Variants in MCCC2 observed in about 807,000 individuals in gnomAD.
MCCC2 encodes the protein methylcrotonyl-CoA carboxylase subunit 2.
Under a neutral mutation model 77.2 loss-of-function variants are expected in MCCC2, and 52 were observed. That is an observed-to-expected ratio of 0.67 (90% CI 0.54 to 0.85). The LOEUF (loss-of-function observed/expected upper bound fraction) is 0.85, where lower values mean the gene tolerates loss of function less well. Ranked by LOEUF, MCCC2 falls within the 40% of genes least tolerant of loss-of-function variation. MCCC2 has a pLI of 0.00. For missense variants in MCCC2, 682 were observed against 703.2 expected, an observed-to-expected ratio of 0.97 and a Z score of 0.34; for synonymous variants, 253 against 248.4, an observed-to-expected ratio of 1.02 and a Z score of -0.18.
intron 6 of MCCC2, among the ~76,000 whole-genome samples, chr5:71,607,637 C>T (rs1745739083): frequency 6.9e-6 from 1 of 145,638 alleles, no homozygotes. Context: ...CGTGTTTGCT[C>T]TTGCTTTTCT....
intron 4 of MCCC2, among the ~76,000 whole-genome samples, chr5:71,600,037 C>T (rs569214709): frequency 1.4e-4 from 22 of 152,110 alleles, no homozygotes; most frequent in African/African-American, 4.6e-4. Context: ...TGGTGGCACA[C>T]GCCTGTAGTC....
chr5:71,587,677 G>T (rs905032756), intron 1 of MCCC2, 123 bp downstream of exon 1: 27 of 1,290,648 alleles, frequency 2.1e-5, no homozygotes, highest in Non-Finnish European at 2.8e-5. Flanking sequence ...TGACGCACGT[G>T]AAGTTTGAAG....
chr5:71,641,263 A>G (rs1055556430), intron 11 of MCCC2, 188 bp downstream of exon 11: 15 of 613,196 alleles, frequency 2.4e-5, no homozygotes, highest in Non-Finnish European at 4.1e-5. Context: ...ATGGATCCAA[A>G]TAGTTTAAAA....
At chr5:71,622,486 A>G (rs1746386904) in intron 6 of MCCC2, among the ~76,000 whole-genome samples, 2 of 152,200 alleles carry the variant, frequency 1.3e-5, no homozygotes, top group Admixed American at 6.5e-5. Flanking sequence ...TTTGATGTGT[A>G]CAATTCAATG....
chr5:71,615,235 C>T (rs570945551), intron 6 of MCCC2, among the ~76,000 whole-genome samples: 10 of 152,172 alleles, frequency 6.6e-5, no homozygotes, highest in Admixed American at 2.6e-4. Context: ...TCCCAGAGTG[C>T]TAGGATTATA....
chr5:71,626,810 C>T, intron 7 of MCCC2, 57 bp downstream of exon 7: 2 of 1,400,320 alleles, frequency 1.4e-6, no homozygotes, highest in East Asian at 2.3e-5. Flanking sequence ...ATAAAATACA[C>T]CATTTAAACT....
At chr5:71,589,770 T>C (rs1444913238) in intron 1 of MCCC2, among the ~76,000 whole-genome samples, 1 of 152,258 alleles carries the variant, frequency 6.6e-6, no homozygotes, top group Admixed American at 6.5e-5. Flanking sequence ...TTTATCATAA[T>C]GATCCTGTGC....
chr5:71,641,829 C>T (rs562878595), intron 11 of MCCC2, among the ~76,000 whole-genome samples: 1 of 152,258 alleles, frequency 6.6e-6, no homozygotes, highest in East Asian at 1.9e-4. Context: ...TGCAAATATA[C>T]ATTGAGGCTT....
In MCCC2 at chr5:71,635,003, G is replaced by A. The variant is rs368236133; in HGVS notation, c.864G>A (p.Arg288=). 25 of 1,614,022 alleles carry A rather than the reference G, an allele frequency of 1.5e-5. No homozygotes were observed. Among genetic ancestry groups the A allele is most frequent in the Admixed American group, 6.7e-5 (4 of 59,994 alleles). Residue 288 remains arginine, a synonymous_variant, in exon 9 of 17, where the codon AGG becomes AGA. Transcript: ENST00000340941. Reference sequence around the variant, plus strand: ...ATCATCATGCCCTTCACTTAACTAGGAAGGTTGTGAGGAATCTAAATTATC... The same window carrying A: ...ATCATCATGCCCTTCACTTAACTAGAAAGGTTGTGAGGAATCTAAATTATC... ...LDDHHALHLT[R]KVVRNLNYQK... is the part of the protein sequence containing the mutation.
chr5:71,606,189 G>C lies in MCCC2; in HGVS notation c.624+1721G>C, dbSNP rs992785588. Among the ~76,000 whole-genome samples the C allele has an allele frequency of 1.1e-4, 17 of 151,054 alleles. No individual in the cohort carries two copies. In the East Asian group the frequency reaches 1.4e-3, roughly 12 times the overall value. On this transcript the variant is annotated intron_variant, in intron 6 of 16. Coordinates refer to ENST00000340941, the MANE Select transcript of MCCC2 (RefSeq NM_022132.5). Reference sequence around the variant, plus strand: ...GCAGTATGGCCATTTTCACGATATTGATTCTTCCTACCCATGAGCATGGAA... The same window carrying C: ...GCAGTATGGCCATTTTCACGATATTCATTCTTCCTACCCATGAGCATGGAA...
chr5:71,631,840 A>G (rs931897720), intron 7 of MCCC2, among the ~76,000 whole-genome samples: 1 of 151,492 alleles, frequency 6.6e-6, no homozygotes, highest in Non-Finnish European at 1.5e-5. Flanking sequence ...GCGCCCGGCC[A>G]GGTCTTTCAA....
At chr5:71,626,425 T>C (rs1746528404) in intron 6 of MCCC2, among the ~76,000 whole-genome samples, 1 of 152,222 alleles carries the variant, frequency 6.6e-6, no homozygotes, top group Non-Finnish European at 1.5e-5. Context: ...CCATAAGTTT[T>C]GTAAAAGTGA....
rs779770835 is a variant in MCCC2, at chr5:71,649,193, C to T, written c.1313C>T (p.Thr438Ile). Reference protein sequence around the residue: ...AVACAQVPKITLIIGGSYGAG... With the variant: ...AVACAQVPKIILIIGGSYGAG... ...GCCTGTGCCCAAGTGCCTAAGATAACCCTCATCATTGGGGGCTCCTATGGA... is the reference window on the plus strand; with the variant it reads ...GCCTGTGCCCAAGTGCCTAAGATAATCCTCATCATTGGGGGCTCCTATGGA... The change falls in exon 14 of 17, where the codon ACC (threonine) becomes ATC (isoleucine). Residue 438 changes from threonine (T) to isoleucine (I), a missense_variant. Transcript: ENST00000340941. The T allele has an allele frequency of 6.2e-7, 1 of 1,614,174 alleles. No homozygotes were observed. Among genetic ancestry groups the T allele is most frequent in the South Asian group, 1.1e-5 (1 of 91,080 alleles).
rs1746783587 is a variant in MCCC2 at position 71,633,108 on chromosome 5, TATATATATATATATATATATATA to T, written c.803+924_803+946del. 2.4e-3 allele frequency among the ~76,000 whole-genome samples: 53 copies of T among 22,252 alleles called. 3 individuals are homozygous for T. Among genetic ancestry groups the T allele is most frequent in the Middle Eastern group, 0.025 (1 of 40 alleles). 14.6% of individuals were successfully genotyped at this position (22,252 alleles called of 152,430 possible). On this transcript the variant is annotated intron_variant, in intron 8 of 16. Transcript: ENST00000340941. ...TTTCAGTTTTATATATATATATATA[TATATATATATATATATATATATA>T]TTTTTATTTTTTGTAGAAACAGGTG...
At chr5:71,607,834 C>T (rs1745751702) in intron 6 of MCCC2, among the ~76,000 whole-genome samples, 1 of 146,992 alleles carries the variant, frequency 6.8e-6, no homozygotes, top group African/African-American at 2.5e-5. Flanking sequence ...TCGTTATGTA[C>T]CCAGTGGTCA....
At chr5:71,593,604 G>A (rs1411441566) in intron 2 of MCCC2, among the ~76,000 whole-genome samples, 1 of 150,552 alleles carries the variant, frequency 6.6e-6, no homozygotes, top group African/African-American at 2.4e-5. Flanking sequence ...TTGCCAGGCT[G>A]GACTGAACCC....
rs1195696335 is a variant in MCCC2 at position 71,587,548 on chromosome 5, C to T, written c.123C>T (p.Leu41=). 4.6e-6 allele frequency: 7 copies of T among 1,537,150 alleles called. No homozygotes were observed. The highest frequency in any genetic ancestry group is 6.1e-6 in the Non-Finnish European group (7 of 1,145,752). ...LGTQPDLGSA[L]YQENYKQMKA... ...CCCAGCCGGACTTGGGCTCTGCCCT[C>T]TACCAGGTAGGCTGAGCGCCCCGGT... Residue 41 remains leucine, a synonymous_variant, in exon 1 of 17, where the codon CTC becomes CTT. Coordinates refer to ENST00000340941, the MANE Select transcript of MCCC2 (RefSeq NM_022132.5).
intron 10 of MCCC2, among the ~76,000 whole-genome samples, chr5:71,636,885 A>AG (rs1296916605): frequency 4.6e-5 from 7 of 151,652 alleles, no homozygotes; most frequent in Admixed American, 2.6e-4. Flanking sequence ...CTGGGATTAC[A>AG]GGCACCCGCC....
chr5:71,641,181 G>T, intron 11 of MCCC2, 106 bp downstream of exon 11: 1 of 1,005,040 alleles, frequency 9.9e-7, no homozygotes, highest in East Asian at 2.5e-5. Context: ...TTGTTGTTGA[G>T]AGCACTACAA....
Sources: gnomAD v4.1 joint callset for allele counts (sites outside exome capture counted in the v4.1 genomes callset) on GRCh38, gnomAD v4.1.1 for gene constraint, MANE v1.5 for transcripts, NCBI Gene and HGNC (gene_info 2026-07-23, HGNC 2026-07-21) for gene names.